Variants in ACYP2 observed in about 807,000 individuals in gnomAD.
ACYP2 encodes acylphosphatase 2, also known as acylphosphatase-2.
A neutral mutation model predicts 11.2 loss-of-function variants in ACYP2; 12 were observed. The ratio of observed to expected loss-of-function variants is 1.08; its 90% CI spans 0.69 to 1.74. The LOEUF (loss-of-function observed/expected upper bound fraction) is 1.74, where lower values mean the gene tolerates loss of function less well. ACYP2 is among the 40% of genes most tolerant of loss of function. ACYP2 has a pLI of 0.00. For missense variants in ACYP2, 134 were observed against 101.9 expected, an observed-to-expected ratio of 1.31 and a Z score of -1.35; for synonymous variants, 43 against 32.2, an observed-to-expected ratio of 1.33 and a Z score of -1.13.
chr2:54,217,122 A>G lies in ACYP2; in HGVS notation c.404+78374A>G, dbSNP rs537193172. 2.6e-5 allele frequency among the ~76,000 whole-genome samples: 4 copies of G among 152,228 alleles called. No individual in the cohort carries two copies. In the South Asian group the frequency reaches 6.2e-4, roughly 24 times the overall value. On this transcript the variant is annotated intron_variant, in intron 6 of 6. Transcript: ENST00000607452. ...TTTCTTGACCCATTGCATAGATTCA[A>G]ACCTGGTCTAGAAAAGTGCTGAAAA...
intron 2 of ACYP2, among the ~76,000 whole-genome samples, chr2:54,005,800 G>T (rs1028838248): frequency 2.6e-5 from 4 of 152,148 alleles, no homozygotes; most frequent in Non-Finnish European, 5.9e-5. Context: ...TATTGTGTTG[G>T]CTATCCTAGG....
At chr2:54,244,821 T>G (rs555016371) in intron 6 of ACYP2, among the ~76,000 whole-genome samples, 3 of 152,222 alleles carry the variant, frequency 2.0e-5, no homozygotes, top group Non-Finnish European at 2.9e-5. Context: ...ATATATACAA[T>G]GCTTAGTGAT....
chr2:54,209,450 A>G (rs1160235130), intron 6 of ACYP2, among the ~76,000 whole-genome samples: 1 of 152,204 alleles, frequency 6.6e-6, no homozygotes, highest in East Asian at 1.9e-4. Flanking sequence ...TGACTCTCTG[A>G]TCAGTCAACA....
intron 4 of ACYP2, among the ~76,000 whole-genome samples, chr2:54,132,315 T>A (rs896920350): frequency 6.6e-6 from 1 of 152,192 alleles, no homozygotes; most frequent in Non-Finnish European, 1.5e-5. Flanking sequence ...CCCCTCCATC[T>A]ATATAACAGA....
At chr2:54,276,136 C>G (rs1688552393) in intron 6 of ACYP2, among the ~76,000 whole-genome samples, 1 of 152,116 alleles carries the variant, frequency 6.6e-6, no homozygotes, top group African/African-American at 2.4e-5. Flanking sequence ...TTCCTCTAAC[C>G]TATCCTTTAC....
chr2:54,253,104 T>C (rs988691570), intron 6 of ACYP2: 2 of 152,156 alleles, frequency 1.3e-5, no homozygotes, highest in South Asian at 4.1e-4. Flanking sequence ...TCCCAGCTAC[T>C]GAGGAGGCTG....
chr2:54,113,535 C>T (rs1420951443), intron 4 of ACYP2, among the ~76,000 whole-genome samples: 4 of 152,056 alleles, frequency 2.6e-5, no homozygotes, highest in East Asian at 1.9e-4. Context: ...TGTGAGCCAC[C>T]GTGCAGGCCA....
intron 4 of ACYP2, among the ~76,000 whole-genome samples, chr2:54,111,078 C>G (rs905776520): frequency 3.3e-5 from 5 of 152,060 alleles, no homozygotes; most frequent in Middle Eastern, 3.4e-3. Context: ...GGGGGCTAGT[C>G]TCTTTCAGCA....
chr2:54,259,716 A>C (rs1320306982), intron 6 of ACYP2, among the ~76,000 whole-genome samples: 2 of 151,278 alleles, frequency 1.3e-5, no homozygotes, highest in Admixed American at 1.3e-4. Flanking sequence ...AATATTGACA[A>C]TTCTTTTGAG....
chr2:54,130,566 C>A (rs1332442734), intron 4 of ACYP2, among the ~76,000 whole-genome samples: 1 of 152,074 alleles, frequency 6.6e-6, no homozygotes, highest in Non-Finnish European at 1.5e-5. Flanking sequence ...GAATTGGAAG[C>A]AGGGAGGCTA....
intron 6 of ACYP2, among the ~76,000 whole-genome samples, chr2:54,198,068 G>C (rs1322106748): frequency 6.6e-6 from 1 of 151,650 alleles, no homozygotes; most frequent in Non-Finnish European, 1.5e-5. Flanking sequence ...CACCCAGGCT[G>C]GAGTGCAGTG....
intron 4 of ACYP2, among the ~76,000 whole-genome samples, chr2:54,093,039 T>C (rs1678319048): frequency 1.3e-5 from 2 of 152,302 alleles, no homozygotes; most frequent in Admixed American, 6.5e-5. Flanking sequence ...GAGGCTTCTA[T>C]TGTCGACTGC....
chr2:54,183,465 C>G (rs1307619323), intron 6 of ACYP2, among the ~76,000 whole-genome samples: 5 of 151,770 alleles, frequency 3.3e-5, no homozygotes, highest in Non-Finnish European at 4.4e-5. Context: ...CCAGAATGTT[C>G]AGGCTACAGT....
intron 6 of ACYP2, among the ~76,000 whole-genome samples, chr2:54,282,538 T>A (rs1688894196): frequency 6.6e-6 from 1 of 152,212 alleles, no homozygotes; most frequent in Non-Finnish European, 1.5e-5. Context: ...CTCCATCTAT[T>A]CCTATGAATG....
chr2:54,024,753 G>C (rs1464121778), intron 2 of ACYP2, among the ~76,000 whole-genome samples: 1 of 152,146 alleles, frequency 6.6e-6, no homozygotes, highest in African/African-American at 2.4e-5. Context: ...TCATACAAGA[G>C]AAAGAAATCA....
chr2:54,251,793 C>A (rs549337220), intron 6 of ACYP2, among the ~76,000 whole-genome samples: 2 of 152,152 alleles, frequency 1.3e-5, no homozygotes, highest in African/African-American at 2.4e-5. Flanking sequence ...ACTTACTATT[C>A]GGTATAATAG....
chr2:54,105,786 G>T (rs373593318), intron 4 of ACYP2, among the ~76,000 whole-genome samples: 10 of 151,824 alleles, frequency 6.6e-5, no homozygotes, highest in South Asian at 2.1e-4. Flanking sequence ...GAGCCATTGC[G>T]CCTGGACCCT....
chr2:54,260,608 A>T (rs1687736594), intron 6 of ACYP2, among the ~76,000 whole-genome samples: 1 of 152,212 alleles, frequency 6.6e-6, no homozygotes, highest in South Asian at 2.1e-4. Flanking sequence ...GAATTGGAAG[A>T]TTCAGGGTAC....
rs925000460 is a variant in ACYP2 at position 54,057,311 on chromosome 2, G to A, written c.228G>A (p.Glu76=). The change falls in exon 4 of 7, where the codon GAG becomes GAA. Residue 76 remains glutamate (E), a synonymous_variant. Coordinates refer to ENST00000607452, the MANE Select transcript of ACYP2 (RefSeq NM_001320586.2). ...TTGTGAGTGAAGAACCATGGAAGGA[G>A]AACATTTCTTGCTCATCAACTACTT... 1 of 398,018 alleles carries A rather than the reference G, an allele frequency of 2.5e-6. No individual in the cohort carries two copies. The highest frequency in any genetic ancestry group is 4.4e-5 in the Admixed American group (1 of 22,724). 24.7% of individuals were successfully genotyped at this position (398,018 alleles called of 1,614,324 possible). A position where few individuals can be genotyped will look rare whatever the true frequency, so the allele number is the denominator to read the frequency against.
Sources: gnomAD v4.1 joint callset for allele counts (sites outside exome capture counted in the v4.1 genomes callset) on GRCh38, gnomAD v4.1.1 for gene constraint, MANE v1.5 for transcripts, NCBI Gene and HGNC (gene_info 2026-07-23, HGNC 2026-07-21) for gene names.